Variants in FOXN3 observed in about 807,000 individuals in gnomAD.
FOXN3 encodes the protein forkhead box N3.
In FOXN3, 7 loss-of-function variants were observed where a neutral mutation model predicts 38.4. The observed-to-expected ratio is 0.18, with a 90% CI of 0.10 to 0.34. The LOEUF is 0.34. Among genes scored for constraint, FOXN3 ranks in the 10% least tolerant of loss-of-function variants. FOXN3 has a pLI of 1.00. For missense variants in FOXN3, 456 were observed against 613.4 expected (o/e 0.74, Z 2.71); for synonymous variants, 230 against 242.2 (o/e 0.95, Z 0.47).
intron 4 of FOXN3, among the ~76,000 whole-genome samples, chr14:89,239,560 A>C (rs532590427): frequency 6.6e-6 from 1 of 152,338 alleles, no homozygotes; most frequent in Non-Finnish European, 1.5e-5. Context: ...GGTGCAAAGA[A>C]GCTTTTATTG....
chr14:89,171,476 C>G lies in FOXN3; in HGVS notation c.852-8507G>C, dbSNP rs1161257404. ...TAGATAAAGACAGAACTAGAGAAACCTGGGTTATAAACAAAGACACAAAAT... is the reference window on the plus strand; with the variant it reads ...TAGATAAAGACAGAACTAGAGAAACGTGGGTTATAAACAAAGACACAAAAT... On this transcript the variant is annotated intron_variant, in intron 5 of 5. Transcript: ENST00000557258. 2.6e-5 allele frequency among the ~76,000 whole-genome samples: 4 copies of G among 151,990 alleles called. No homozygotes were observed. In the East Asian group the frequency reaches 5.8e-4, roughly 22 times the overall value.
At chr14:89,399,150 G>C (rs1220513286) in intron 2 of FOXN3, among the ~76,000 whole-genome samples, 1 of 152,228 alleles carries the variant, frequency 6.6e-6, no homozygotes, top group Non-Finnish European at 1.5e-5. Flanking sequence ...GTTCTGACCA[G>C]GGCTGAACGC....
At chr14:89,512,186 G>A (rs1044425797) in intron 1 of FOXN3, among the ~76,000 whole-genome samples, 1 of 152,184 alleles carries the variant, frequency 6.6e-6, no homozygotes, top group African/African-American at 2.4e-5. Flanking sequence ...ATAGTGAGGG[G>A]CAGTATGACC....
At chr14:89,387,148 C>T (rs576963809) in intron 2 of FOXN3, among the ~76,000 whole-genome samples, 96 of 152,194 alleles carry the variant, frequency 6.3e-4, no homozygotes, top group African/African-American at 2.2e-3. Context: ...CTCAGCTACT[C>T]GGGAGGCTGA....
At chr14:89,567,721 A>AT (rs58016745) in intron 1 of FOXN3, among the ~76,000 whole-genome samples, 10,077 of 129,392 alleles carry the variant, frequency 0.078, 1,074 homozygotes, top group African/African-American at 0.24. Context: ...AATCTCGTTG[A>AT]TTTTTTTTTT....
At chr14:89,541,365 C>T (rs940348438) in intron 1 of FOXN3, among the ~76,000 whole-genome samples, 14 of 152,144 alleles carry the variant, frequency 9.2e-5, no homozygotes, top group African/African-American at 3.4e-4. Flanking sequence ...GTCACAAAGA[C>T]CTTGCTGATA....
chr14:89,493,172 T>C (rs1893616523), intron 1 of FOXN3, among the ~76,000 whole-genome samples: 1 of 152,236 alleles, frequency 6.6e-6, no homozygotes, highest in South Asian at 2.1e-4. Flanking sequence ...CATGCCATTT[T>C]ACATTCTCTT....
At chr14:89,543,548 C>T (rs1387254341) in intron 1 of FOXN3, among the ~76,000 whole-genome samples, 4 of 152,174 alleles carry the variant, frequency 2.6e-5, no homozygotes, top group Non-Finnish European at 4.4e-5. Flanking sequence ...GATTCCGCCT[C>T]GACTAAAAAG....
At chr14:89,332,704 A>C (rs886344134) in intron 3 of FOXN3, among the ~76,000 whole-genome samples, 2 of 152,192 alleles carry the variant, frequency 1.3e-5, no homozygotes, top group African/African-American at 4.8e-5. Context: ...CATAAGTGGG[A>C]CTACATCAAA....
At chr14:89,435,531 G>T (rs1892257969) in intron 1 of FOXN3, among the ~76,000 whole-genome samples, 2 of 152,128 alleles carry the variant, frequency 1.3e-5, no homozygotes, top group African/African-American at 4.8e-5. Flanking sequence ...CTCCCAGATA[G>T]ACTGTGGTAC....
Position 89,298,472 on chromosome 14 carries a change from T to TAAAAA in FOXN3, c.681-17463_681-17459dup, listed in dbSNP as rs55856005. On this transcript the variant is annotated intron_variant, in intron 3 of 5. Transcript: ENST00000557258. ...GTGATAGAGGGAGACTCCGTCTATT[T>TAAAAA]AAAAAAAAAAAAAAAAAAAAGGCTG... 1.3e-4 allele frequency among the ~76,000 whole-genome samples: 16 copies of TAAAAA among 123,554 alleles called. 1 individual carries two copies. The highest frequency in any genetic ancestry group is 9.6e-4 in the East Asian group (4 of 4,176). The allele number at this position is 123,554 out of a possible 152,430, so 81.1% of individuals were successfully genotyped here. A position where few individuals can be genotyped will look rare whatever the true frequency, so the allele number is the denominator to read the frequency against.
At chr14:89,444,414 T>G (rs753665906) in intron 1 of FOXN3, among the ~76,000 whole-genome samples, 2 of 151,636 alleles carry the variant, frequency 1.3e-5, no homozygotes, top group Non-Finnish European at 2.9e-5. Context: ...AAGTAAAATA[T>G]TTCACATAAA....
intron 2 of FOXN3, among the ~76,000 whole-genome samples, chr14:89,386,381 C>T (rs1030596651): frequency 3.9e-5 from 6 of 152,234 alleles, no homozygotes; most frequent in Non-Finnish European, 1.5e-5. Context: ...CTGTCAAGGT[C>T]GTCCACGGAC....
At chr14:89,371,947 C>T (rs1480021793) in intron 2 of FOXN3, among the ~76,000 whole-genome samples, 1 of 152,088 alleles carries the variant, frequency 6.6e-6, no homozygotes, top group Non-Finnish European at 1.5e-5. Context: ...GGGTAGCCTG[C>T]CATCCTCATC....
intron 1 of FOXN3, among the ~76,000 whole-genome samples, chr14:89,584,950 A>G (rs1288022601): frequency 6.6e-6 from 1 of 152,176 alleles, no homozygotes; most frequent in East Asian, 1.9e-4. Flanking sequence ...TCCTGACCTC[A>G]GGTGATCCGC....
At chr14:89,354,597 G>A (rs1889128654) in intron 2 of FOXN3, among the ~76,000 whole-genome samples, 1 of 148,948 alleles carries the variant, frequency 6.7e-6, no homozygotes, top group South Asian at 2.2e-4. Flanking sequence ...GCTCATGCCT[G>A]TAATCCCAGC....
Position 89,368,100 on chromosome 14 carries a change from G to A in FOXN3, c.544-17292C>T, listed in dbSNP as rs564457045. ...TCCCAACACTTTGGGAGGCCGAGGC[G>A]GGTGAATCACTTGAGGTCAGGAGTT... On this transcript the variant is annotated intron_variant, in intron 2 of 5. Transcript: ENST00000557258. 3.3e-3 allele frequency among the ~76,000 whole-genome samples: 505 copies of A among 151,886 alleles called. 1 individual carries two copies. Among genetic ancestry groups the A allele is most frequent in the Middle Eastern group, 0.01 (3 of 294 alleles).
At chr14:89,427,184 G>A (rs1291342144) in intron 1 of FOXN3, among the ~76,000 whole-genome samples, 25 of 145,746 alleles carry the variant, frequency 1.7e-4, no homozygotes, top group East Asian at 6.2e-4. Context: ...AGCTGATATC[G>A]TGCCACTGCA....
At chr14:89,306,152 T>C (rs1043905350) in intron 3 of FOXN3, among the ~76,000 whole-genome samples, 1 of 152,230 alleles carries the variant, frequency 6.6e-6, no homozygotes, top group Non-Finnish European at 1.5e-5. Flanking sequence ...GAATTCTCTG[T>C]GTGGAGAAGA....
Sources: gnomAD v4.1 joint callset for allele counts (sites outside exome capture counted in the v4.1 genomes callset) on GRCh38, gnomAD v4.1.1 for gene constraint, MANE v1.5 for transcripts, NCBI Gene and HGNC (gene_info 2026-07-23, HGNC 2026-07-21) for gene names.